The following CEP112 variants were observed in gnomAD, a reference collection of about 807,000 sequenced individuals.
CEP112 encodes the protein centrosomal protein 112, also known as centrosomal protein of 112 kDa.
Under a neutral mutation model 153.0 loss-of-function variants are expected in CEP112, and 127 were observed. The ratio of observed to expected loss-of-function variants is 0.83; its 90% CI spans 0.72 to 0.96. The LOEUF is 0.96. Among genes scored for constraint, CEP112 ranks in the 40% least tolerant of loss-of-function variants. The probability of loss-of-function intolerance (pLI) is 0.00; values close to 1 mark genes in which losing one functional copy is unlikely to be tolerated. For synonymous variants in CEP112, 358 were observed against 374.4 expected, an observed-to-expected ratio of 0.96 and a Z score of 0.51; for missense variants, 1,089 against 1,101.2, an observed-to-expected ratio of 0.99 and a Z score of 0.16.
chr17:65,694,550 G>A (rs904614818), intron 23 of CEP112, among the ~76,000 whole-genome samples: 40 of 151,952 alleles, frequency 2.6e-4, no homozygotes, highest in Non-Finnish European at 1.0e-4. Context: ...GTTGTATTTA[G>A]AAATGACTTT....
intron 21 of CEP112, among the ~76,000 whole-genome samples, chr17:65,765,081 T>C: frequency 7.9e-6 from 1 of 126,272 alleles, no homozygotes; most frequent in Non-Finnish European, 1.6e-5. Flanking sequence ...TAGTCTGCTG[T>C]TGAAGCTCTC....
At chr17:66,110,060 T>C (rs1361622853) in intron 6 of CEP112, among the ~76,000 whole-genome samples, 1 of 152,176 alleles carries the variant, frequency 6.6e-6, no homozygotes, top group East Asian at 1.9e-4. Context: ...CTCAGGAGGC[T>C]GAGGCAGGAG....
intron 18 of CEP112, among the ~76,000 whole-genome samples, chr17:65,948,498 A>T (rs541063312): frequency 1.6e-3 from 237 of 152,212 alleles, no homozygotes; most frequent in Non-Finnish European, 2.5e-3. Flanking sequence ...CAGAGAACAT[A>T]GCTGTCTTTT....
chr17:65,856,919 G>T (rs1442220065), intron 20 of CEP112, among the ~76,000 whole-genome samples: 1 of 152,088 alleles, frequency 6.6e-6, no homozygotes, highest in East Asian at 1.9e-4. Context: ...CATATTTAGT[G>T]GCTCCCTAGT....
chr17:65,851,230 CA>C (rs1276018311), intron 21 of CEP112, among the ~76,000 whole-genome samples: 2 of 152,062 alleles, frequency 1.3e-5, no homozygotes, highest in Non-Finnish European at 2.9e-5. Flanking sequence ...TTCTGAACGT[CA>C]AAAGAAAGAA....
chr17:66,158,782 A>G (rs935816994), intron 4 of CEP112, among the ~76,000 whole-genome samples: 2 of 152,182 alleles, frequency 1.3e-5, no homozygotes, highest in African/African-American at 4.8e-5. Context: ...TAACATCACA[A>G]TTAAAAGAAC....
rs1435482770 is a variant in CEP112, at chr17:65,994,832, G to T, written c.1736+10858C>A. On this transcript the variant is annotated intron_variant, in intron 17 of 26. Transcript: ENST00000535342. Reference sequence around the variant, plus strand: ...TTACAATACTAAGTGATCATTTGGGGCAGTTCATTTGTATCCCTGCCTGCT... The same window carrying T: ...TTACAATACTAAGTGATCATTTGGGTCAGTTCATTTGTATCCCTGCCTGCT... 2.0e-5 allele frequency among the ~76,000 whole-genome samples: 3 copies of T among 152,256 alleles called. No homozygotes were observed. The South Asian group carries it at 6.2e-4, about 32-fold the overall frequency.
At chr17:65,744,323 G>A (rs1270289886) in intron 22 of CEP112, among the ~76,000 whole-genome samples, 10 of 151,872 alleles carry the variant, frequency 6.6e-5, no homozygotes, top group Non-Finnish European at 1.3e-4. Context: ...GTGCAATCTC[G>A]GCTCAATGTA....
At chr17:65,707,259 G>A (rs1252614100) in intron 23 of CEP112, among the ~76,000 whole-genome samples, 1 of 152,096 alleles carries the variant, frequency 6.6e-6, no homozygotes, top group Non-Finnish European at 1.5e-5. Flanking sequence ...GGCGCAGGAT[G>A]AATAGAAAAT....
chr17:65,794,390 T>G (rs1421161455), intron 21 of CEP112, among the ~76,000 whole-genome samples: 1 of 152,218 alleles, frequency 6.6e-6, no homozygotes, highest in Admixed American at 6.5e-5. Flanking sequence ...ATAAGCTACT[T>G]CTCAAGCTGC....
rs554316231 is a variant in CEP112, at chr17:65,866,293, A to G, written c.2164-14259T>C. On this transcript the variant is annotated intron_variant, in intron 20 of 26. Transcript: ENST00000535342. ...TGTGCGCACCCTCGAGGTATCACGG[A>G]CACAGCAGCCCCCTGCTGCCTCAGT... 2.4e-3 allele frequency among the ~76,000 whole-genome samples: 358 copies of G among 152,312 alleles called. 1 individual carries two copies. Among genetic ancestry groups the G allele is most frequent in the African/African-American group, 7.8e-3 (323 of 41,578 alleles).
chr17:65,994,679 T>C (rs1039779319), intron 17 of CEP112, among the ~76,000 whole-genome samples: 2 of 152,106 alleles, frequency 1.3e-5, no homozygotes, highest in Admixed American at 1.3e-4. Flanking sequence ...GAAAAATAGT[T>C]CTAGGAGAAT....
chr17:65,936,940 C>G (rs1278072025), intron 18 of CEP112, among the ~76,000 whole-genome samples: 1 of 151,200 alleles, frequency 6.6e-6, no homozygotes, highest in Non-Finnish European at 1.5e-5. Context: ...CTCAGCCTGC[C>G]GAGTGCCTGC....
At chr17:66,125,748 AAAAAAGAAGAG>A (rs1186672350) in intron 6 of CEP112, among the ~76,000 whole-genome samples, 4 of 152,202 alleles carry the variant, frequency 2.6e-5, no homozygotes, top group African/African-American at 7.2e-5. Context: ...AAGAAAAGAA[AAAAAAGAAGAG>A]AAAAAGAAGA....
At chr17:65,662,329 C>T (rs2046428495) in intron 24 of CEP112, among the ~76,000 whole-genome samples, 1 of 152,144 alleles carries the variant, frequency 6.6e-6, no homozygotes, top group Non-Finnish European at 1.5e-5. Flanking sequence ...AGAAACAGTA[C>T]TGGGAGAGCA....
chr17:65,701,531 TC>T (rs2048630858), intron 23 of CEP112, among the ~76,000 whole-genome samples: 1 of 152,138 alleles, frequency 6.6e-6, no homozygotes, highest in Non-Finnish European at 1.5e-5. Context: ...TATCACGACA[TC>T]CAGCTCTCCT....
chr17:65,944,578 A>AT lies in CEP112; in HGVS notation c.1872+16884dup, dbSNP rs1024799501. ...ACACAGTTAAAGAAATTAAAACTCT[A>AT]TTTTTTTTTTGTTTTTGTGTTTTGG... is the stretch of plus-strand genomic sequence containing the variant. On this transcript the variant is annotated intron_variant, in intron 18 of 26. Coordinates refer to ENST00000535342, the MANE Select transcript of CEP112 (RefSeq NM_001199165.4). Among the ~76,000 whole-genome samples the AT allele has an allele frequency of 6.0e-4, 89 of 149,330 alleles. 2 individuals carry two copies. The South Asian group carries it at 0.013, about 23-fold the overall frequency.
At chr17:66,109,176 A>G (rs1167867770) in intron 6 of CEP112, among the ~76,000 whole-genome samples, 1 of 152,190 alleles carries the variant, frequency 6.6e-6, no homozygotes, top group Non-Finnish European at 1.5e-5. Flanking sequence ...ATATCGTTAG[A>G]GAGAATGAAT....
chr17:65,664,084 C>A (rs1651435775), intron 24 of CEP112, among the ~76,000 whole-genome samples: 1 of 152,124 alleles, frequency 6.6e-6, no homozygotes, highest in African/African-American at 2.4e-5. Context: ...AAACATTATA[C>A]ATCCAGCTAC....
Sources: gnomAD v4.1 joint callset for allele counts (sites outside exome capture counted in the v4.1 genomes callset) on GRCh38, gnomAD v4.1.1 for gene constraint, MANE v1.5 for transcripts, NCBI Gene and HGNC (gene_info 2026-07-23, HGNC 2026-07-21) for gene names.